LVRN: variants seen among roughly 807,000 people sequenced by gnomAD.
LVRN encodes the protein aminopeptidase Q.
In LVRN, 99 loss-of-function variants were observed where a neutral mutation model predicts 111.4. The ratio of observed to expected loss-of-function variants is 0.89; its 90% CI spans 0.76 to 1.05. The LOEUF is 1.05. LVRN is among the 50% of genes least tolerant of loss of function. The probability of loss-of-function intolerance (pLI) is 0.00; values close to 1 mark genes in which losing one functional copy is unlikely to be tolerated. For synonymous variants in LVRN, 488 were observed against 449.5 expected, an observed-to-expected ratio of 1.09 and a Z score of -1.08; for missense variants, 1,414 against 1,206.8, an observed-to-expected ratio of 1.17 and a Z score of -2.54.
intron 1 of LVRN, among the ~76,000 whole-genome samples, chr5:115,983,039 A>G (rs1747747850): frequency 6.6e-6 from 1 of 152,182 alleles, no homozygotes; most frequent in African/African-American, 2.4e-5. Flanking sequence ...AAGGTTTACG[A>G]TGTAATAAAA....
chr5:116,002,810 A>G, intron 10 of LVRN, 25 bp from the exon 11 acceptor site: 1 of 1,534,722 alleles, frequency 6.5e-7, no homozygotes, highest in Non-Finnish European at 9.0e-7. Flanking sequence ...AAAAGTAACT[A>G]ATTTTTTTAT....
At chr5:116,024,934 C>T (rs1336896130) in intron 19 of LVRN, among the ~76,000 whole-genome samples, 2 of 152,134 alleles carry the variant, frequency 1.3e-5, no homozygotes, top group Non-Finnish European at 2.9e-5. Context: ...TTGTCTCCCT[C>T]GTCCCTCTCC....
In LVRN at chr5:116,026,156, A is replaced by T. The variant is rs1286967140; in HGVS notation, c.*38A>T. On this transcript the variant is annotated 3_prime_UTR_variant, in exon 20 of 20. Transcript: ENST00000357872. ...TTTCAGCACTCCTCTTGCATATTAT[A>T]ATGTAGTTTGTTCACAGTTTTGTCT... The T allele has an allele frequency of 1.9e-6, 3 of 1,611,668 alleles. No homozygotes were observed. In the Admixed American group the frequency reaches 5.0e-5, roughly 27 times the overall value.
chr5:115,980,367 G>C (rs558992885), intron 1 of LVRN, among the ~76,000 whole-genome samples: 3 of 152,016 alleles, frequency 2.0e-5, no homozygotes, highest in Non-Finnish European at 2.9e-5. Context: ...AGAGCCAAAG[G>C]CTGTGTGTCG....
Position 115,992,282 on chromosome 5 carries a change from G to A in LVRN, c.1260+5G>A. 6.2e-7 allele frequency: 1 copy of A among 1,613,214 alleles called. No homozygotes were observed. The highest frequency in any genetic ancestry group is 8.5e-7 in the Non-Finnish European group (1 of 1,179,716). ...TCCCACGAGATTGGACACCAGGCAT[G>A]TGGTAAAATGTTCTTTTTATTTCAC... On this transcript the variant is annotated splice_donor_5th_base_variant and intron_variant, in intron 5 of 19. Transcript: ENST00000357872.
At chr5:115,972,141 C>T (rs1031060081) in intron 1 of LVRN, among the ~76,000 whole-genome samples, 8 of 151,932 alleles carry the variant, frequency 5.3e-5, no homozygotes, top group Non-Finnish European at 1.0e-4. Flanking sequence ...GATACACCAC[C>T]AAAAGTTTGA....
intron 13 of LVRN, 32 bp from the exon 14 acceptor site, chr5:116,010,709 T>G: frequency 6.4e-7 from 1 of 1,569,760 alleles, no homozygotes; most frequent in Non-Finnish European, 8.6e-7. Flanking sequence ...AAGTGAAGGT[T>G]TTTTGAGTGT....
intron 1 of LVRN, chr5:115,975,743 A>AT (rs1753432751): frequency 1.3e-5 from 2 of 152,800 alleles, no homozygotes; most frequent in African/African-American, 4.8e-5. Context: ...GTTTCTTACC[A>AT]TTTTTCACGT....
intron 4 of LVRN, among the ~76,000 whole-genome samples, chr5:115,988,306 G>C (rs1747915061): frequency 6.7e-6 from 1 of 149,956 alleles, no homozygotes; most frequent in Non-Finnish European, 1.5e-5. Context: ...CGGGCTTTCA[G>C]AAGTTACTTC....
rs139778635 is a variant in LVRN, at chr5:115,987,971, G to T, written c.1105+32G>T. On this transcript the variant is annotated intron_variant, in intron 4 of 19. Coordinates refer to ENST00000357872, the MANE Select transcript of LVRN (RefSeq NM_173800.5). ...TAATCTTTTCCTTTCAGTGCATTTG[G>T]TTTCCTGTTATTTGGGCCCTTGGTT... 2.6e-4 allele frequency: 421 copies of T among 1,595,952 alleles called. 5 individuals are homozygous for T. In the African/African-American group the frequency reaches 5.2e-3, roughly 20 times the overall value.
At chr5:115,966,617 G>T (rs983738324) in intron 1 of LVRN, among the ~76,000 whole-genome samples, 11 of 152,166 alleles carry the variant, frequency 7.2e-5, no homozygotes, top group Non-Finnish European at 8.8e-5. Flanking sequence ...CAAAGCACTT[G>T]TACAGGTTTT....
chr5:116,004,206 A>T (rs77824538), intron 12 of LVRN, among the ~76,000 whole-genome samples: 12,240 of 152,250 alleles, frequency 0.08, 654 homozygotes, highest in East Asian at 0.19. Flanking sequence ...AAACATCAAT[A>T]GTCCAATATC....
intron 1 of LVRN, among the ~76,000 whole-genome samples, chr5:115,964,751 G>C (rs1408467912): frequency 6.6e-6 from 1 of 152,184 alleles, no homozygotes; most frequent in Admixed American, 6.5e-5. Flanking sequence ...GCTAACTCTA[G>C]TGTTAACTAG....
intron 10 of LVRN, among the ~76,000 whole-genome samples, 162 bp downstream of exon 10, chr5:116,001,401 C>T (rs540431334): frequency 2.6e-5 from 4 of 152,246 alleles, no homozygotes; most frequent in African/African-American, 7.2e-5. Flanking sequence ...GTCCGGGCAA[C>T]GCCAGAGACC....
intron 1 of LVRN, among the ~76,000 whole-genome samples, chr5:115,972,186 T>G (rs553203402): frequency 8.5e-5 from 13 of 152,204 alleles, no homozygotes; most frequent in Middle Eastern, 3.4e-3. Context: ...TGAGCTTCAT[T>G]AAAATGTAAA....
At position 116,026,668 on chromosome 5, in the gene LVRN, C is replaced by A; in HGVS notation, c.*550C>A. ...AGAAAGAGGAGACAATTTAACGAGCCCTAAAGGCAAGAAGTGTGTCTTCTC... is the reference window on the plus strand; with the variant it reads ...AGAAAGAGGAGACAATTTAACGAGCACTAAAGGCAAGAAGTGTGTCTTCTC... On this transcript the variant is annotated 3_prime_UTR_variant, in exon 20 of 20. Transcript: ENST00000357872. The A allele has an allele frequency of 6.2e-6, 1 of 161,552 alleles. No homozygotes were observed. Among genetic ancestry groups the A allele is most frequent in the Non-Finnish European group, 1.3e-5 (1 of 74,896 alleles). 10.0% of individuals were successfully genotyped at this position (161,552 alleles called of 1,614,324 possible).
Position 116,005,943 on chromosome 5 carries a change from T to G in LVRN, c.2069T>G (p.Ile690Ser). The G allele has an allele frequency of 6.3e-7, 1 of 1,593,930 alleles. No homozygotes were observed. Among genetic ancestry groups the G allele is most frequent in the Non-Finnish European group, 8.6e-7 (1 of 1,161,768 alleles). The change falls in exon 13 of 20, where the codon ATT becomes AGT. Residue 690 changes from isoleucine (I) to serine (S), a missense_variant. Coordinates refer to ENST00000357872, the MANE Select transcript of LVRN (RefSeq NM_173800.5). ...CCTGTTATTCACAGACTGCAGTTGA[T>G]TGATGATGCCTTTTCCTTGTCTAAG... ...AIPVIHRLQL[I>S]DDAFSLSKNN...
At chr5:116,016,647 G>A (rs1365058533) in intron 18 of LVRN, among the ~76,000 whole-genome samples, 1 of 152,130 alleles carries the variant, frequency 6.6e-6, no homozygotes, top group Non-Finnish European at 1.5e-5. Flanking sequence ...GTGCATTTTA[G>A]CCTTATAAAG....
intron 15 of LVRN, among the ~76,000 whole-genome samples, chr5:116,012,765 G>T (rs560366748): frequency 6.6e-6 from 1 of 152,316 alleles, no homozygotes; most frequent in African/African-American, 2.4e-5. Flanking sequence ...TATTGGTGAA[G>T]ATGTACTAAG....
Sources: gnomAD v4.1 joint callset for allele counts (sites outside exome capture counted in the v4.1 genomes callset) on GRCh38, gnomAD v4.1.1 for gene constraint, MANE v1.5 for transcripts, NCBI Gene and HGNC (gene_info 2026-07-23, HGNC 2026-07-21) for gene names.